Variants in ATP10A observed in about 807,000 individuals in gnomAD.
ATP10A encodes the protein ATPase phospholipid transporting 10A (putative), also known as phospholipid-transporting ATPase VA.
ATP10A carries 111 observed loss-of-function variants against 147.8 expected under a neutral mutation model. The observed-to-expected ratio is 0.75, with a 90% CI of 0.64 to 0.88. The LOEUF (loss-of-function observed/expected upper bound fraction) is 0.88, where lower values mean the gene tolerates loss of function less well. Among genes scored for constraint, ATP10A ranks in the 40% least tolerant of loss-of-function variants. ATP10A has a pLI of 0.00. For missense variants in ATP10A, 1,927 were observed against 1,959.0 expected, an observed-to-expected ratio of 0.98 and a Z score of 0.31; for synonymous variants, 875 against 841.6, an observed-to-expected ratio of 1.04 and a Z score of -0.69.
intron 1 of ATP10A, among the ~76,000 whole-genome samples, chr15:25,836,688 T>C (rs1289829362): frequency 1.3e-5 from 2 of 152,192 alleles, no homozygotes; most frequent in African/African-American, 4.8e-5. Context: ...GTGCCAACCA[T>C]GTGCCAGGAG....
At chr15:25,753,871 G>A (rs1439525399) in intron 2 of ATP10A, among the ~76,000 whole-genome samples, 2 of 151,544 alleles carry the variant, frequency 1.3e-5, no homozygotes, top group African/African-American at 4.9e-5. Flanking sequence ...TGACCTCCTG[G>A]GCTCAAGGGA....
chr15:25,864,850 C>A (rs1192834205), upstream of ATP10A, among the ~76,000 whole-genome samples: 1 of 152,108 alleles, frequency 6.6e-6, no homozygotes, highest in Non-Finnish European at 1.5e-5. Flanking sequence ...CACCTGGTGA[C>A]CCCCGAGGCC....
At position 25,708,255 on chromosome 15, in the gene ATP10A, T is replaced by G; in HGVS notation, c.2390A>C (p.Gln797Pro). The change falls in exon 11 of 21, where the codon CAG (glutamine) becomes CCG (proline). Residue 797 changes from glutamine (Q) to proline (P), a missense_variant. Transcript: ENST00000555815. ...CGCCGCATACACGTTGAGGTAATTC[T>G]GAGTTTTGCTCCGAATCTTTTTTTG... The part of the protein sequence containing the change: ...RHQKKIRSKT[Q>P]NYLNVYAAEG... 1 of 1,614,210 alleles carries G rather than the reference T, an allele frequency of 6.2e-7. No homozygotes were observed. Among genetic ancestry groups the G allele is most frequent in the Non-Finnish European group, 8.5e-7 (1 of 1,180,036 alleles).
At chr15:25,710,001 G>A (rs911569772) in intron 10 of ATP10A, 5 of 152,196 alleles carry the variant, frequency 3.3e-5, no homozygotes, top group African/African-American at 9.7e-5. Context: ...ATGTACTGGG[G>A]AACAGAGTGT....
intron 1 of ATP10A, among the ~76,000 whole-genome samples, chr15:25,844,169 A>T (rs987478530): frequency 2.6e-5 from 4 of 152,202 alleles, no homozygotes; most frequent in African/African-American, 9.6e-5. Context: ...CATATTTGTT[A>T]TTTACAAGGG....
rs372138642 is a variant in ATP10A, at chr15:25,713,785, C to T, written c.2233G>A (p.Val745Ile). 3.7e-5 allele frequency: 60 copies of T among 1,614,000 alleles called. No individual in the cohort carries two copies. The highest frequency in any genetic ancestry group is 3.3e-4 in the Middle Eastern group (2 of 6,084). Reference protein sequence around the residue: ...ELLHTLGFDSVRKRMSVVIRH... With the variant: ...ELLHTLGFDSIRKRMSVVIRH... ...ATCACCACTGACATCCTCTTGCGGA[C>T]GGAATCGAAACCCAGTGTGTGCAGG... is the stretch of plus-strand genomic sequence containing the variant. The change falls in exon 10 of 21, where the codon GTC becomes ATC. Residue 745 changes from valine (V) to isoleucine (I), a missense_variant. By Grantham distance (29) the Val-to-Ile change is conservative. Coordinates refer to ENST00000555815, the MANE Select transcript of ATP10A (RefSeq NM_024490.4).
At chr15:25,716,645 A>G (rs958430044) in intron 9 of ATP10A, 85 bp downstream of exon 9, 90 of 1,324,488 alleles carry the variant, frequency 6.8e-5, no homozygotes, top group Non-Finnish European at 9.0e-5. Context: ...AGGAAAGGGA[A>G]GGGCGCCTGC....
intron 12 of ATP10A, among the ~76,000 whole-genome samples, chr15:25,707,526 A>G (rs1901107441): frequency 6.6e-6 from 1 of 152,224 alleles, no homozygotes; most frequent in African/African-American, 2.4e-5. Flanking sequence ...ACCAAGATGA[A>G]CACAGCTGGA....
At chr15:25,683,161 A>C in intron 17 of ATP10A, 125 bp downstream of exon 17, 14 of 868,060 alleles carry the variant, frequency 1.6e-5, no homozygotes, top group East Asian at 2.6e-5. Flanking sequence ...AGAATGGTGA[A>C]TTCTAGAATT....
chr15:25,846,221 G>A (rs958723923), intron 1 of ATP10A, among the ~76,000 whole-genome samples: 7 of 152,184 alleles, frequency 4.6e-5, no homozygotes, highest in Admixed American at 2.6e-4. Context: ...AAGTGTTGGA[G>A]AGGAGGGCGG....
chr15:25,817,942 G>A (rs1891734621), intron 1 of ATP10A, among the ~76,000 whole-genome samples: 2 of 152,094 alleles, frequency 1.3e-5, no homozygotes, highest in Non-Finnish European at 2.9e-5. Context: ...TTCATTTTTG[G>A]TTTTCACTAG....
chr15:25,802,920 C>T (rs1254793187), intron 1 of ATP10A, among the ~76,000 whole-genome samples: 1 of 152,150 alleles, frequency 6.6e-6, no homozygotes, highest in Admixed American at 6.5e-5. Context: ...CATTAATCTG[C>T]CTAAAACAAA....
chr15:25,707,862 C>A, intron 12 of ATP10A, 114 bp downstream of exon 12: 1 of 1,431,824 alleles, frequency 7.0e-7, no homozygotes, highest in South Asian at 1.4e-5. Flanking sequence ...TGCCAGGTGG[C>A]TCCCTAACCA....
chr15:25,845,364 C>T (rs1318692454), intron 1 of ATP10A, among the ~76,000 whole-genome samples: 2 of 151,398 alleles, frequency 1.3e-5, no homozygotes, highest in Non-Finnish European at 2.9e-5. Flanking sequence ...GTCAGGCCAC[C>T]TGGGTGATGG....
intron 1 of ATP10A, among the ~76,000 whole-genome samples, chr15:25,860,318 G>C (rs1180199135): frequency 2.0e-5 from 3 of 152,134 alleles, no homozygotes; most frequent in Non-Finnish European, 4.4e-5. Flanking sequence ...TCCTGCACTG[G>C]GACGCCTCGC....
chr15:25,709,410 G>A (rs1022912179), intron 10 of ATP10A: 1 of 152,222 alleles, frequency 6.6e-6, no homozygotes, highest in Non-Finnish European at 1.5e-5. Flanking sequence ...GCAAAGCCGT[G>A]CCTAACTGAG....
intron 2 of ATP10A, among the ~76,000 whole-genome samples, chr15:25,739,990 A>G (rs771955250): frequency 4.6e-5 from 7 of 151,928 alleles, no homozygotes; most frequent in Non-Finnish European, 8.8e-5. Flanking sequence ...GATGCCTGGG[A>G]CCTCCTCCTG....
At chr15:25,768,402 G>T (rs1282349610) in intron 2 of ATP10A, among the ~76,000 whole-genome samples, 1 of 152,142 alleles carries the variant, frequency 6.6e-6, no homozygotes, top group South Asian at 2.1e-4. Context: ...AGTGTGGACT[G>T]AGAGGCAAAG....
downstream of ATP10A, among the ~76,000 whole-genome samples, chr15:25,674,434 ACGT>A (rs10609784): frequency 0.99 from 151,322 of 152,288 alleles, 75,191 homozygotes; most frequent in East Asian, 1. Flanking sequence ...ATAATAAATG[ACGT>A]CTGGTTAACT....
Sources: gnomAD v4.1 joint callset for allele counts (sites outside exome capture counted in the v4.1 genomes callset) on GRCh38, gnomAD v4.1.1 for gene constraint, MANE v1.5 for transcripts, NCBI Gene and HGNC (gene_info 2026-07-23, HGNC 2026-07-21) for gene names.